Variants in ARHGAP32 observed in about 807,000 individuals in gnomAD.
The protein encoded by ARHGAP32 is rho GTPase-activating protein 32.
Under a neutral mutation model 186.5 loss-of-function variants are expected in ARHGAP32, and 51 were observed. That is an observed-to-expected ratio of 0.27 (90% confidence interval 0.22 to 0.35). The LOEUF (loss-of-function observed/expected upper bound fraction) is 0.35. Among genes scored for constraint, ARHGAP32 ranks in the 10% least tolerant of loss-of-function variants. ARHGAP32 has a pLI of 1.00. For missense variants in ARHGAP32, 2,186 were observed against 2,623.5 expected (o/e 0.83, Z 3.64); for synonymous variants, 950 against 964.3 (o/e 0.99, Z 0.27).
At chr11:129,015,494 C>T (rs1938296089) in intron 11 of ARHGAP32, among the ~76,000 whole-genome samples, 1 of 152,124 alleles carries the variant, frequency 6.6e-6, no homozygotes, top group African/African-American at 2.4e-5. Flanking sequence ...AGATTATTTT[C>T]CCTTAAGTAT....
chr11:128,968,152 A>C lies in ARHGAP32; in HGVS notation c.*755T>G, dbSNP rs868632758. ...TTCTTCCACCTAAAGAAGTTTCCTT[A>C]AGTACTAACTTTTAAAAGTCCATTC... On this transcript the variant is annotated 3_prime_UTR_variant, in exon 23 of 23. Transcript: ENST00000682385. 3 of 152,086 alleles carry C rather than the reference A, an allele frequency of 2.0e-5. No individual in the cohort carries two copies. The highest frequency in any genetic ancestry group is 2.0e-4 in the Admixed American group (3 of 15,272). 9.4% of individuals were successfully genotyped at this position (152,086 alleles called of 1,614,324 possible).
chr11:129,072,534 G>A (rs145997113), intron 6 of ARHGAP32, among the ~76,000 whole-genome samples: 211 of 152,260 alleles, frequency 1.4e-3, no homozygotes, highest in African/African-American at 4.6e-3. Context: ...GTGGGGTCAC[G>A]GAACAAATCA....
At chr11:129,024,796 T>G (rs538523905) in intron 11 of ARHGAP32, among the ~76,000 whole-genome samples, 17 of 152,334 alleles carry the variant, frequency 1.1e-4, no homozygotes, top group Non-Finnish European at 1.8e-4. Flanking sequence ...CCAGAGACAT[T>G]CATTAGCAAA....
intron 1 of ARHGAP32, among the ~76,000 whole-genome samples, chr11:129,211,689 C>T (rs1333822135): frequency 6.6e-6 from 1 of 152,152 alleles, no homozygotes; most frequent in African/African-American, 2.4e-5. Context: ...TCCTGGATTT[C>T]CAGAGACTGA....
In ARHGAP32 at chr11:128,974,254, T is replaced by G; in HGVS notation, c.2943A>C (p.Gln981His). The change falls in exon 21 of 23, where the codon CAA becomes CAC. Residue 981 changes from glutamine to histidine, a missense_variant. Coordinates refer to ENST00000682385, the MANE Select transcript of ARHGAP32 (RefSeq NM_001378024.1). ...VKMKTNETVA[Q>H]EAYESEVQPL... The stretch of plus-strand genomic sequence containing the variant: ...GCTGGACTTCAGATTCATATGCTTC[T>G]TGGGCAACTGTCTCATTTGTTTTCA... 1 of 1,614,248 alleles carries G rather than the reference T, an allele frequency of 6.2e-7. No homozygotes were observed. Among genetic ancestry groups the G allele is most frequent in the Non-Finnish European group, 8.5e-7 (1 of 1,180,044 alleles).
chr11:129,108,658 T>C (rs1357156909), intron 5 of ARHGAP32, among the ~76,000 whole-genome samples: 2 of 152,148 alleles, frequency 1.3e-5, no homozygotes, highest in Non-Finnish European at 2.9e-5. Context: ...GTGAAGTGGG[T>C]TGTTGATATT....
intron 1 of ARHGAP32, among the ~76,000 whole-genome samples, chr11:129,228,692 C>A (rs900014227): frequency 6.6e-6 from 1 of 152,038 alleles, no homozygotes. Context: ...AAACATCACA[C>A]ACTGGGGCTT....
intron 13 of ARHGAP32, 100 bp downstream of exon 13, chr11:128,987,923 C>A: frequency 1.3e-6 from 1 of 784,712 alleles, no homozygotes; most frequent in East Asian, 2.7e-5. Context: ...TCTAAATTAT[C>A]TTTAATGAAA....
intron 5 of ARHGAP32, among the ~76,000 whole-genome samples, chr11:129,113,789 C>T (rs950029106): frequency 5.3e-5 from 8 of 152,170 alleles, no homozygotes; most frequent in South Asian, 2.1e-4. Context: ...AAATATGGTG[C>T]TTAGTTTCAA....
At chr11:129,163,292 AC>A (rs1344976487) in intron 2 of ARHGAP32, among the ~76,000 whole-genome samples, 4 of 152,180 alleles carry the variant, frequency 2.6e-5, no homozygotes, top group Non-Finnish European at 5.9e-5. Flanking sequence ...CTGACTCTTA[AC>A]CACAGTTAAG....
At chr11:129,060,769 A>T (rs1044421539) in intron 10 of ARHGAP32, among the ~76,000 whole-genome samples, 2 of 151,826 alleles carry the variant, frequency 1.3e-5, no homozygotes, top group African/African-American at 2.4e-5. Context: ...GTAAAATAAA[A>T]ACCAGAATTC....
At chr11:129,225,774 C>T (rs190534233) in intron 1 of ARHGAP32, among the ~76,000 whole-genome samples, 1 of 152,216 alleles carries the variant, frequency 6.6e-6, no homozygotes, top group Admixed American at 6.5e-5. Context: ...TCAATAGAAA[C>T]TGACCTTAAG....
chr11:128,966,847 T>C lies in ARHGAP32; in HGVS notation c.*2060A>G, dbSNP rs1259036278. The C allele has an allele frequency of 1.3e-5, 2 of 152,180 alleles. 1 individual carries two copies. 9.4% of individuals were successfully genotyped at this position (152,180 alleles called of 1,614,324 possible). A position where few individuals can be genotyped will look rare whatever the true frequency, so the allele number is the denominator to read the frequency against. ...CTCCAAGGGGCAATGGGTTGCCTAC[T>C]TGACAAGAATATGATTAAGGTAAAA... On this transcript the variant is annotated 3_prime_UTR_variant, in exon 23 of 23. Coordinates refer to ENST00000682385, the MANE Select transcript of ARHGAP32 (RefSeq NM_001378024.1).
chr11:129,021,214 G>T (rs972079874), intron 11 of ARHGAP32, among the ~76,000 whole-genome samples: 1 of 150,616 alleles, frequency 6.6e-6, no homozygotes, highest in Non-Finnish European at 1.5e-5. Flanking sequence ...TAACATTAAG[G>T]GATCTAGAAA....
chr11:129,009,492 G>A (rs1435727194), intron 11 of ARHGAP32, among the ~76,000 whole-genome samples: 1 of 152,022 alleles, frequency 6.6e-6, no homozygotes, highest in Non-Finnish European at 1.5e-5. Flanking sequence ...CTCCCTCCCC[G>A]TAACTATCTC....
intron 5 of ARHGAP32, among the ~76,000 whole-genome samples, chr11:129,094,405 C>G (rs1941670644): frequency 6.6e-6 from 1 of 152,072 alleles, no homozygotes. Flanking sequence ...AAAAATTCAC[C>G]ATGTAGGTCT....
At chr11:129,065,034 G>C in intron 7 of ARHGAP32, 101 bp from the exon 8 acceptor site, 2 of 948,714 alleles carry the variant, frequency 2.1e-6, no homozygotes, top group Non-Finnish European at 1.6e-6. Flanking sequence ...TAGATCTTTA[G>C]GCATTTTAAT....
chr11:128,972,324 A>G (rs984093724), intron 22 of ARHGAP32, 129 bp downstream of exon 22: 18 of 1,127,386 alleles, frequency 1.6e-5, no homozygotes, highest in Admixed American at 1.6e-4. Context: ...GAACTATCTC[A>G]TGGAAACCAG....
chr11:129,010,005 G>A (rs1043862769), intron 11 of ARHGAP32, among the ~76,000 whole-genome samples: 1 of 152,170 alleles, frequency 6.6e-6, no homozygotes, highest in East Asian at 1.9e-4. Context: ...TTTAATAATC[G>A]CCATTCTGAC....
Sources: allele counts gnomAD v4.1 joint callset (sites outside exome capture counted in the v4.1 genomes callset), GRCh38; gene constraint gnomAD v4.1.1; transcripts MANE v1.5; gene names NCBI Gene and HGNC (gene_info 2026-07-23, HGNC 2026-07-21).